The following PLSCR4 variants were observed in gnomAD, a reference collection of about 807,000 sequenced individuals.
PLSCR4 encodes phospholipid scramblase 4, also known as Ca(2+)-dependent phospholipid scramblase 4.
In PLSCR4, 25 loss-of-function variants were observed where a neutral mutation model predicts 36.3. The observed-to-expected ratio is 0.69, with a 90% CI of 0.50 to 0.96. The LOEUF (loss-of-function observed/expected upper bound fraction) is 0.96, where lower values mean the gene tolerates loss of function less well. PLSCR4 is among the 40% of genes least tolerant of loss of function. The pLI, the probability that PLSCR4 is intolerant of heterozygous loss-of-function variation, is 0.00. For missense variants in PLSCR4, 408 were observed against 414.7 expected (o/e 0.98, Z 0.14); for synonymous variants, 122 against 132.9 (o/e 0.92, Z 0.56).
At chr3:146,209,130 A>G (rs1412975089) in intron 3 of PLSCR4, among the ~76,000 whole-genome samples, 2 of 152,146 alleles carry the variant, frequency 1.3e-5, no homozygotes, top group South Asian at 2.1e-4. Flanking sequence ...GCGATTGGAG[A>G]CTATTATTCT....
At chr3:146,216,090 C>A (rs559407614) in intron 3 of PLSCR4, among the ~76,000 whole-genome samples, 1 of 152,008 alleles carries the variant, frequency 6.6e-6, no homozygotes, top group Non-Finnish European at 1.5e-5. Flanking sequence ...ATTATCCGGG[C>A]GTGGTGGTGC....
intron 1 of PLSCR4, among the ~76,000 whole-genome samples, chr3:146,236,064 T>G (rs117552088): frequency 0.025 from 3,790 of 152,230 alleles, 128 homozygotes; most frequent in East Asian, 0.11. Flanking sequence ...CATGAAAGTT[T>G]GGAAAATTTG....
chr3:146,242,599 G>A (rs2036197447), intron 1 of PLSCR4, among the ~76,000 whole-genome samples: 1 of 152,162 alleles, frequency 6.6e-6, no homozygotes, highest in Non-Finnish European at 1.5e-5. Context: ...TTAGTAGGTA[G>A]GAAAGGTTAA....
At chr3:146,224,337 A>T (rs79394833) in intron 1 of PLSCR4, among the ~76,000 whole-genome samples, 1,682 of 152,338 alleles carry the variant, frequency 0.011, 33 homozygotes, top group African/African-American at 0.038. Context: ...TCAAAATTAT[A>T]GCACAACAGA....
Position 146,229,689 on chromosome 3 carries a change from ATCTTGGCTCAC to A in PLSCR4, c.-21-7608_-21-7598del, listed in dbSNP as rs1325041974. 3.3e-5 allele frequency among the ~76,000 whole-genome samples: 5 copies of A among 150,120 alleles called. No individual in the cohort carries two copies. In the South Asian group the frequency reaches 8.4e-4, roughly 25 times the overall value. On this transcript the variant is annotated intron_variant, in intron 1 of 8. Transcript: ENST00000354952. ...ACCCAGGCTGGAGTGCAGTGGTGCA[ATCTTGGCTCAC>A]TGCAAGCTCCGCCTCCCGGGTCCAC...
chr3:146,192,496 A>G lies in PLSCR4; in HGVS notation c.*1915T>C, dbSNP rs1473692761. On this transcript the variant is annotated 3_prime_UTR_variant, in exon 9 of 9. Transcript: ENST00000354952. ...AAATCATGTGAATTGTATTAAAACTATGACATATGACAATATTATATAAAG... is the reference window on the plus strand; with the variant it reads ...AAATCATGTGAATTGTATTAAAACTGTGACATATGACAATATTATATAAAG... 1 of 151,424 alleles carries G rather than the reference A, an allele frequency of 6.6e-6. No homozygotes were observed. The highest frequency in any genetic ancestry group is 1.5e-5 in the Non-Finnish European group (1 of 67,824). 9.4% of individuals were successfully genotyped at this position (151,424 alleles called of 1,614,324 possible). A position where few individuals can be genotyped will look rare whatever the true frequency, so the allele number is the denominator to read the frequency against.
chr3:146,194,520 T>G, intron 8 of PLSCR4, 65 bp from the exon 9 acceptor site: 1 of 961,836 alleles, frequency 1.0e-6, no homozygotes, highest in East Asian at 2.4e-5. Context: ...TGCGGTATTA[T>G]CCTTTGTAAT....
chr3:146,209,235 A>T (rs1289293938), intron 3 of PLSCR4, among the ~76,000 whole-genome samples: 1 of 152,036 alleles, frequency 6.6e-6, no homozygotes, highest in Non-Finnish European at 1.5e-5. Flanking sequence ...TAGAAATGAT[A>T]CAATGGAATG....
chr3:146,211,528 A>G (rs116481754), intron 3 of PLSCR4, among the ~76,000 whole-genome samples: 1 of 152,132 alleles, frequency 6.6e-6, no homozygotes, highest in African/African-American at 2.4e-5. Context: ...GTCCTTAGAT[A>G]TACAAAACTT....
rs770823235 is a variant in PLSCR4, at chr3:146,195,269, T to C, written c.800A>G (p.Asp267Gly). 2 of 1,613,152 alleles carry C rather than the reference T, an allele frequency of 1.2e-6. No individual in the cohort carries two copies. The highest frequency in any genetic ancestry group is 1.7e-5 in the Admixed American group (1 of 59,980). Residue 267 changes from aspartate to glycine, a missense_variant, in exon 8 of 9, where the codon GAT becomes GGT. Physicochemically the swap from Asp to Gly is moderately conservative, Grantham distance 94. Coordinates refer to ENST00000354952, the MANE Select transcript of PLSCR4 (RefSeq NM_020353.3). Reference protein sequence around the residue: ...SDSVFEVKSLDGISNIGSIIR... With the variant: ...SDSVFEVKSLGGISNIGSIIR... ...AATACTGCCGATGTTGGATATGCCA[T>C]CAAGGGATTTGACCTGGAATGACAA...
intron 1 of PLSCR4, among the ~76,000 whole-genome samples, chr3:146,227,294 G>A (rs528806429): frequency 6.6e-6 from 1 of 152,184 alleles, no homozygotes; most frequent in East Asian, 1.9e-4. Context: ...TGCATACAGG[G>A]GAATCTGGGC....
At chr3:146,220,974 A>G in intron 2 of PLSCR4, 49 bp from the exon 3 acceptor site, 2 of 1,084,654 alleles carry the variant, frequency 1.8e-6, no homozygotes, top group East Asian at 4.9e-5. Flanking sequence ...CAATAATATA[A>G]TGACAAAATG....
intron 6 of PLSCR4, among the ~76,000 whole-genome samples, chr3:146,199,448 A>G (rs557851401): frequency 6.6e-6 from 1 of 152,224 alleles, no homozygotes; most frequent in African/African-American, 2.4e-5. Context: ...AGTCCCTTCC[A>G]ATTCTAAAAG....
chr3:146,209,838 G>A (rs1407349238), intron 3 of PLSCR4, among the ~76,000 whole-genome samples: 3 of 152,120 alleles, frequency 2.0e-5, no homozygotes, highest in Non-Finnish European at 4.4e-5. Flanking sequence ...TGTCTGAACT[G>A]TCAGGAAGGC....
intron 1 of PLSCR4, among the ~76,000 whole-genome samples, chr3:146,237,880 A>C (rs2035983142): frequency 6.6e-6 from 1 of 151,908 alleles, no homozygotes; most frequent in Admixed American, 6.6e-5. Context: ...ATAGAGAATA[A>C]AAAAGAAAAT....
chr3:146,202,800 A>G (rs1402959462), intron 4 of PLSCR4, among the ~76,000 whole-genome samples: 3 of 152,052 alleles, frequency 2.0e-5, no homozygotes, highest in African/African-American at 7.2e-5. Context: ...TCATTTCAAC[A>G]ATGTTCACAG....
rs752418816 is a variant in PLSCR4, at chr3:146,199,907, C to T, written c.530G>A (p.Arg177Gln). The T allele has an allele frequency of 8.7e-6, 14 of 1,613,366 alleles. 1 individual carries two copies. Among genetic ancestry groups the T allele is most frequent in the African/African-American group, 5.3e-5 (4 of 74,846 alleles). ...AYRTLRPFVL[R>Q]VTDCMGREIM... is the part of the protein sequence containing the mutation. ...TTCTCGGCCCATACAATCAGTGACC[C>T]GGAGGACGAAGGGCCTTAGTGTCCG... The change falls in exon 6 of 9, where the codon CGG (arginine) becomes CAG (glutamine). Residue 177 changes from arginine to glutamine, a missense_variant. Transcript: ENST00000354952.
chr3:146,216,738 AC>A (rs35083686), intron 3 of PLSCR4, among the ~76,000 whole-genome samples: 49,235 of 151,916 alleles, frequency 0.32, 8,653 homozygotes, highest in South Asian at 0.45. Context: ...GAAGAAGAGC[AC>A]CCCAGGCGTG....
intron 1 of PLSCR4, among the ~76,000 whole-genome samples, chr3:146,238,160 G>C (rs1016859904): frequency 1.3e-5 from 2 of 150,804 alleles, no homozygotes; most frequent in South Asian, 2.1e-4. Flanking sequence ...AACCTGAATA[G>C]AACTGTAATA....
Sources: allele counts gnomAD v4.1 joint callset (sites outside exome capture counted in the v4.1 genomes callset), GRCh38; gene constraint gnomAD v4.1.1; transcripts MANE v1.5; gene names NCBI Gene and HGNC (gene_info 2026-07-23, HGNC 2026-07-21).